The following OPHN1 variants were observed in gnomAD, a reference collection of about 807,000 sequenced individuals.
OPHN1 encodes oligophrenin-1.
A neutral mutation model predicts 60.7 loss-of-function variants in OPHN1; 11 were observed. That is an observed-to-expected ratio of 0.18 (90% CI 0.11 to 0.30). OPHN1 has a LOEUF of 0.30. Among genes scored for constraint, OPHN1 ranks in the 10% least tolerant of loss-of-function variants. OPHN1 has a pLI of 1.00. For synonymous variants in OPHN1, 226 were observed against 222.6 expected (o/e 1.02, Z -0.14); for missense variants, 449 against 611.0 (o/e 0.73, Z 2.80).
chrX:68,282,919 A>G (rs1602295673), intron 4 of OPHN1, 137 bp downstream of exon 4: 1 of 493,097 alleles, frequency 2.0e-6, no homozygotes, highest in East Asian at 3.8e-5. Flanking sequence ...CAGATCTATT[A>G]CCTAACTATT....
chrX:68,170,480 C>A (rs1038533391), intron 15 of OPHN1, among the ~76,000 whole-genome samples: 1 of 108,967 alleles, frequency 9.2e-6, no homozygotes, highest in Non-Finnish European at 1.9e-5. Flanking sequence ...GACACATGCA[C>A]ACGTATGTTT....
intron 17 of OPHN1, 151 bp downstream of exon 17, chrX:68,113,030 A>AAT: frequency 4.3e-6 from 2 of 465,137 alleles, no homozygotes; most frequent in Non-Finnish European, 7.5e-6. Flanking sequence ...AGCAAGCAAG[A>AAT]ATACTTTCAT....
In OPHN1 at chrX:68,210,400, CAA is replaced by C. The variant is rs935639357; in HGVS notation, c.703-120_703-119del. 13 of 707,732 alleles carry C rather than the reference CAA, an allele frequency of 1.8e-5. No individual in the cohort carries two copies. In the Admixed American group the frequency reaches 2.5e-4, roughly 14 times the overall value. The allele number at this position is 707,732 out of a possible 1,213,427, so 58.3% of individuals were successfully genotyped here. Reference sequence around the variant, plus strand: ...GCTTACAGCATGTGCAACCACAAAGCAAAAAAAGAAATGGTGAATGGCATAGT... The same window carrying C: ...GCTTACAGCATGTGCAACCACAAAGCAAAAAGAAATGGTGAATGGCATAGT... On this transcript the variant is annotated intron_variant, in intron 8 of 24. Coordinates refer to ENST00000355520, the MANE Select transcript of OPHN1 (RefSeq NM_002547.3).
At position 68,136,291 on chromosome X, in the gene OPHN1, C is replaced by CTTTTTTTT. The variant is rs779712280; in HGVS notation, c.1277-16967_1277-16960dup. ...AGATACTAGTATCAAAATATCTTTT[C>CTTTTTTTT]TTTTTTTTTTTTTTTTTTTTTTTTG... On this transcript the variant is annotated intron_variant, in intron 15 of 24. Coordinates refer to ENST00000355520, the MANE Select transcript of OPHN1 (RefSeq NM_002547.3). 4.3e-3 allele frequency among the ~76,000 whole-genome samples: 276 copies of CTTTTTTTT among 63,992 alleles called. 2 individuals carry two copies. The highest frequency in any genetic ancestry group is 0.014 in the African/African-American group (202 of 14,124). The allele number at this position is 63,992 out of a possible 115,157, so 55.6% of individuals were successfully genotyped here. A position where few individuals can be genotyped will look rare whatever the true frequency, so the allele number is the denominator to read the frequency against.
chrX:68,297,426 G>A (rs185081974), intron 3 of OPHN1, among the ~76,000 whole-genome samples: 2 of 111,091 alleles, frequency 1.8e-5, no homozygotes, highest in African/African-American at 3.3e-5. Context: ...ACTTGGACCT[G>A]GATAGATTTA....
At chrX:68,338,417 A>T (rs1602338013) in intron 2 of OPHN1, among the ~76,000 whole-genome samples, 1 of 112,323 alleles carries the variant, frequency 8.9e-6, no homozygotes, top group African/African-American at 3.2e-5. Flanking sequence ...CACAGGAATA[A>T]AATTAGAAAT....
intron 3 of OPHN1, 44 bp downstream of exon 3, chrX:68,298,957 G>A (rs750802451): frequency 2.4e-6 from 2 of 830,131 alleles, no homozygotes; most frequent in South Asian, 4.1e-5. Flanking sequence ...ATGGTCTCAG[G>A]GCTGCCTCAA....
intron 2 of OPHN1, among the ~76,000 whole-genome samples, chrX:68,416,065 T>G (rs1402212510): frequency 0.072 from 351 of 4,868 alleles, 2 homozygotes; most frequent in East Asian, 0.26. Context: ...TATATATATA[T>G]ATAGAGAGAG....
chrX:68,154,540 G>A (rs917380367), intron 15 of OPHN1, among the ~76,000 whole-genome samples: 3 of 111,843 alleles, frequency 2.7e-5, no homozygotes, highest in East Asian at 2.8e-4. Context: ...TGCAAATACC[G>A]GGATCATAAA....
At chrX:68,235,861 C>A (rs146214512) in intron 5 of OPHN1, among the ~76,000 whole-genome samples, 5 of 104,532 alleles carry the variant, frequency 4.8e-5, no homozygotes, top group Non-Finnish European at 9.8e-5. Flanking sequence ...CTGTTTCAGG[C>A]GGGGTGGACA....
At chrX:68,092,723 G>T (rs2147398398) in intron 19 of OPHN1, among the ~76,000 whole-genome samples, 1 of 111,464 alleles carries the variant, frequency 9.0e-6, no homozygotes, top group Admixed American at 9.6e-5. Flanking sequence ...ATATGCTTTG[G>T]ACATAGCAAA....
chrX:68,420,905 C>T (rs1401264683), intron 2 of OPHN1, among the ~76,000 whole-genome samples: 1 of 106,453 alleles, frequency 9.4e-6, no homozygotes, highest in Non-Finnish European at 1.9e-5. Flanking sequence ...AGGGTAGAAA[C>T]TGTTTTCATG....
At chrX:68,133,046 G>A (rs1213493112) in intron 15 of OPHN1, 7 of 493,377 alleles carry the variant, frequency 1.4e-5, no homozygotes, top group South Asian at 2.6e-5. Context: ...GCAGCAGTCC[G>A]CCCCACTCGG....
chrX:68,384,175 C>T lies in OPHN1; in HGVS notation c.154+48692G>A, dbSNP rs1379420083. Among the ~76,000 whole-genome samples, 3 of 111,889 alleles carry T rather than the reference C, an allele frequency of 2.7e-5. No homozygotes were observed. The Admixed American group carries it at 2.9e-4, about 11-fold the overall frequency. On this transcript the variant is annotated intron_variant, in intron 2 of 24. Coordinates refer to ENST00000355520, the MANE Select transcript of OPHN1 (RefSeq NM_002547.3). ...TTTCCTTCATATGACCACCCCATTC[C>T]ATTTATATTATTTCAAAAGTAGAGG...
chrX:68,307,362 G>A (rs756487618), intron 2 of OPHN1, among the ~76,000 whole-genome samples: 1 of 108,869 alleles, frequency 9.2e-6, no homozygotes, highest in Non-Finnish European at 1.9e-5. Flanking sequence ...GCTGAGGCAG[G>A]AGAATTGCTT....
chrX:68,401,514 G>A (rs1469781124), intron 2 of OPHN1, among the ~76,000 whole-genome samples: 1 of 112,351 alleles, frequency 8.9e-6, no homozygotes, highest in Non-Finnish European at 1.9e-5. Flanking sequence ...CAATTGTACA[G>A]TAACACAATT....
chrX:68,158,572 G>A (rs1347105445), intron 15 of OPHN1, among the ~76,000 whole-genome samples: 1 of 111,990 alleles, frequency 8.9e-6, no homozygotes, highest in Non-Finnish European at 1.9e-5. Context: ...GATGGTATAC[G>A]GCAAATGGAG....
chrX:68,170,861 A>G lies in OPHN1; in HGVS notation c.1276+22058T>C, dbSNP rs995384191. On this transcript the variant is annotated intron_variant, in intron 15 of 24. Coordinates refer to ENST00000355520, the MANE Select transcript of OPHN1 (RefSeq NM_002547.3). Reference sequence around the variant, plus strand: ...GACGAGTTAATGGGTGCAGCACACCAGCATGGCACATGTATACATATGTAA... The same window carrying G: ...GACGAGTTAATGGGTGCAGCACACCGGCATGGCACATGTATACATATGTAA... Among the ~76,000 whole-genome samples the G allele has an allele frequency of 8.4e-5, 9 of 107,608 alleles. 1 individual carries two copies. The East Asian group carries it at 2.7e-3, about 32-fold the overall frequency. The allele number at this position is 107,608 out of a possible 115,157, so 93.4% of individuals were successfully genotyped here.
At position 68,235,683 on chromosome X, in the gene OPHN1, C is replaced by CA. The variant is rs1228217911; in HGVS notation, c.385-1096dup. The stretch of plus-strand genomic sequence containing the variant: ...TGAAACCCCATCTCTACTAAAAATA[C>CA]AAAAAAAAAAAAAAGAGAAAAAAAA... On this transcript the variant is annotated intron_variant, in intron 5 of 24. Coordinates refer to ENST00000355520, the MANE Select transcript of OPHN1 (RefSeq NM_002547.3). Among the ~76,000 whole-genome samples, 827 of 76,980 alleles carry CA rather than the reference C, an allele frequency of 0.011. 21 individuals carry two copies. In the East Asian group the frequency reaches 0.14, roughly 13 times the overall value. The allele number at this position is 76,980 out of a possible 115,157, so 66.8% of individuals were successfully genotyped here.
Sources: allele counts gnomAD v4.1 joint callset (sites outside exome capture counted in the v4.1 genomes callset), GRCh38; gene constraint gnomAD v4.1.1; transcripts MANE v1.5; gene names NCBI Gene and HGNC (gene_info 2026-07-23, HGNC 2026-07-21).